The following EBF2 variants were observed in gnomAD, a reference collection of about 807,000 sequenced individuals.
EBF2 encodes the protein transcription factor COE2.
In EBF2, 21 loss-of-function variants were observed where a neutral mutation model predicts 72.8. The observed-to-expected ratio is 0.29, with a 90% CI of 0.20 to 0.42. EBF2 has a LOEUF of 0.42. Among genes scored for constraint, EBF2 ranks in the 10% least tolerant of loss-of-function variants. EBF2 has a pLI of 1.00. For missense variants in EBF2, 637 were observed against 731.2 expected, an observed-to-expected ratio of 0.87 and a Z score of 1.49; for synonymous variants, 299 against 274.2, an observed-to-expected ratio of 1.09 and a Z score of -0.89.
intron 10 of EBF2, among the ~76,000 whole-genome samples, chr8:25,876,231 G>T (rs1030667214): frequency 1.3e-5 from 2 of 152,092 alleles, no homozygotes; most frequent in African/African-American, 4.8e-5. Context: ...ATGGACACAG[G>T]GAGGGGAACA....
rs1585240374 is a variant in EBF2 at position 26,045,243 on chromosome 8, C to T, written c.-384G>A. ...TAATCTCTCCCCTTCCTCCAGGTCC[C>T]CCCTCCCTGCTCCTCCCCACCGTTC... On this transcript the variant is annotated 5_prime_UTR_variant, in exon 1 of 16. Coordinates refer to ENST00000520164, the MANE Select transcript of EBF2 (RefSeq NM_022659.4). The T allele has an allele frequency of 6.4e-6, 1 of 156,860 alleles. No homozygotes were observed. The highest frequency in any genetic ancestry group is 1.4e-5 in the Non-Finnish European group (1 of 71,484). 9.7% of individuals were successfully genotyped at this position (156,860 alleles called of 1,614,324 possible).
Position 25,968,833 on chromosome 8 carries a change from C to T in EBF2, c.552-60278G>A, listed in dbSNP as rs140714471. 3.2e-4 allele frequency among the ~76,000 whole-genome samples: 49 copies of T among 152,310 alleles called. No individual in the cohort carries two copies. The East Asian group carries it at 9.3e-3, about 29-fold the overall frequency. ...TAGGCCTCCCCAAGTGTTGGGATGA[C>T]AGGCACGAGCCACCGTGCCCCGCAG... On this transcript the variant is annotated intron_variant, in intron 6 of 15. Transcript: ENST00000520164.
intron 10 of EBF2, among the ~76,000 whole-genome samples, chr8:25,869,574 G>T (rs989040535): frequency 8.6e-5 from 13 of 152,018 alleles, no homozygotes; most frequent in African/African-American, 2.9e-4. Flanking sequence ...TATATTTTGG[G>T]GGTGGGGGCC....
intron 6 of EBF2, among the ~76,000 whole-genome samples, chr8:25,980,077 A>G (rs1401845894): frequency 6.6e-6 from 1 of 152,176 alleles, no homozygotes; most frequent in Non-Finnish European, 1.5e-5. Context: ...TAGCTGTCAA[A>G]TTCTCAGCAA....
Position 25,861,045 on chromosome 8 carries a change from G to A in EBF2, c.1342+4C>T, listed in dbSNP as rs777341873. On this transcript the variant is annotated splice_donor_region_variant and intron_variant, in intron 13 of 15. Transcript: ENST00000520164. ...TTGGATTTTGACTCTAAGAAAGGTG[G>A]TACCTTGATTATTTCCTTGTGTTGA... 1.9e-6 allele frequency: 3 copies of A among 1,614,066 alleles called. No individual in the cohort carries two copies. The highest frequency in any genetic ancestry group is 2.5e-6 in the Non-Finnish European group (3 of 1,180,008).
intron 6 of EBF2, among the ~76,000 whole-genome samples, chr8:26,023,288 T>C (rs768202377): frequency 2.6e-5 from 4 of 152,230 alleles, no homozygotes; most frequent in Non-Finnish European, 5.9e-5. Flanking sequence ...GAGATGTCTT[T>C]TCTAAAAACA....
At chr8:25,859,490 C>T (rs1220324167) in intron 13 of EBF2, among the ~76,000 whole-genome samples, 1 of 152,130 alleles carries the variant, frequency 6.6e-6, no homozygotes, top group Non-Finnish European at 1.5e-5. Flanking sequence ...GACTTTGGGG[C>T]ATCAGCAGTG....
intron 14 of EBF2, among the ~76,000 whole-genome samples, chr8:25,857,117 T>G (rs1802110498): frequency 6.6e-6 from 1 of 152,182 alleles, no homozygotes; most frequent in Non-Finnish European, 1.5e-5. Context: ...TTTATTTCTC[T>G]AGACTGTTAT....
chr8:25,862,643 C>A (rs1473558633), intron 11 of EBF2, 66 bp downstream of exon 11: 11 of 1,340,876 alleles, frequency 8.2e-6, no homozygotes, highest in South Asian at 1.4e-5. Context: ...TAAATGCCTG[C>A]ATTTGTCTAA....
chr8:25,975,678 C>T (rs1184644260), intron 6 of EBF2, among the ~76,000 whole-genome samples: 1 of 151,920 alleles, frequency 6.6e-6, no homozygotes, highest in Admixed American at 6.6e-5. Context: ...CTTGCCTAAC[C>T]CAAACCTGCA....
intron 7 of EBF2, among the ~76,000 whole-genome samples, chr8:25,897,202 C>CT (rs1802874708): frequency 2.0e-5 from 3 of 150,292 alleles, no homozygotes; most frequent in Admixed American, 6.6e-5. Context: ...CCTGAGAAGA[C>CT]GTGCTCTTTT....
chr8:25,967,781 A>G (rs1804137227), intron 6 of EBF2, among the ~76,000 whole-genome samples: 1 of 152,166 alleles, frequency 6.6e-6, no homozygotes, highest in Admixed American at 6.5e-5. Flanking sequence ...CCTAGGTTTG[A>G]GTTTATGTTC....
intron 6 of EBF2, among the ~76,000 whole-genome samples, chr8:26,000,473 A>T (rs1804706104): frequency 6.6e-6 from 1 of 152,224 alleles, no homozygotes; most frequent in Non-Finnish European, 1.5e-5. Flanking sequence ...TATGAGAAAA[A>T]TAAGACAAAT....
At chr8:25,959,856 C>T (rs1191787995) in intron 6 of EBF2, among the ~76,000 whole-genome samples, 1 of 152,112 alleles carries the variant, frequency 6.6e-6, no homozygotes, top group African/African-American at 2.4e-5. Context: ...TGGCACCCAA[C>T]AGCAAGAAAA....
chr8:26,013,962 G>T, intron 6 of EBF2, among the ~76,000 whole-genome samples: 1 of 152,084 alleles, frequency 6.6e-6, no homozygotes, highest in East Asian at 1.9e-4. Context: ...AGACAATACT[G>T]GGCCCACCAA....
At chr8:26,010,734 G>A (rs776121482) in intron 6 of EBF2, among the ~76,000 whole-genome samples, 4 of 152,126 alleles carry the variant, frequency 2.6e-5, no homozygotes, top group Non-Finnish European at 5.9e-5. Context: ...ATGACATCTT[G>A]GAATGCCTTC....
At chr8:25,994,413 A>G (rs1207656691) in intron 6 of EBF2, among the ~76,000 whole-genome samples, 2 of 152,180 alleles carry the variant, frequency 1.3e-5, no homozygotes, top group African/African-American at 4.8e-5. Context: ...GGCTAAAAAA[A>G]CTTCTTGAAA....
intron 6 of EBF2, among the ~76,000 whole-genome samples, chr8:25,978,370 TCCCC>T (rs1804301702): frequency 6.6e-6 from 1 of 152,182 alleles, no homozygotes; most frequent in Admixed American, 6.5e-5. Context: ...CCTGCCTTTC[TCCCC>T]AAGCAATTAT....
At chr8:25,950,223 C>T (rs1419004532) in intron 6 of EBF2, among the ~76,000 whole-genome samples, 1 of 152,184 alleles carries the variant, frequency 6.6e-6, no homozygotes, top group East Asian at 1.9e-4. Context: ...TTGCAAAGAC[C>T]TCTCTTCTTT....
Sources: allele counts gnomAD v4.1 joint callset (sites outside exome capture counted in the v4.1 genomes callset), GRCh38; gene constraint gnomAD v4.1.1; transcripts MANE v1.5; gene names NCBI Gene and HGNC (gene_info 2026-07-23, HGNC 2026-07-21).